Variants in FZD3 observed in about 807,000 individuals in gnomAD.
The protein encoded by FZD3 is frizzled-3.
In FZD3, 30 loss-of-function variants were observed where a neutral mutation model predicts 60.7. The observed-to-expected ratio is 0.49, with a 90% confidence interval of 0.37 to 0.67. The LOEUF is 0.67. Ranked by LOEUF, FZD3 falls within the 30% of genes least tolerant of loss-of-function variation. The pLI, the probability that FZD3 is intolerant of heterozygous loss-of-function variation, is 0.00. For missense variants in FZD3, 605 were observed against 838.7 expected (o/e 0.72, Z 3.44); for synonymous variants, 246 against 275.2 (o/e 0.89, Z 1.05).
At chr8:28,524,615 T>C (rs1287682525) in intron 4 of FZD3, among the ~76,000 whole-genome samples, 1 of 152,178 alleles carries the variant, frequency 6.6e-6, no homozygotes, top group Non-Finnish European at 1.5e-5. Flanking sequence ...TCTCGGATCC[T>C]CCTCTTTTTT....
intron 5 of FZD3, among the ~76,000 whole-genome samples, chr8:28,542,026 C>G (rs772491408): frequency 6.6e-6 from 1 of 151,382 alleles, no homozygotes; most frequent in Non-Finnish European, 1.5e-5. Flanking sequence ...AAAACATAAG[C>G]GAGATCATGT....
At chr8:28,513,502 A>C (rs937224367) in intron 3 of FZD3, among the ~76,000 whole-genome samples, 2 of 152,188 alleles carry the variant, frequency 1.3e-5, no homozygotes, top group African/African-American at 4.8e-5. Flanking sequence ...CAGGAAAATA[A>C]ACCTATGGGA....
Position 28,520,723 on chromosome 8 carries a change from A to G in FZD3, c.275A>G (p.Tyr92Cys). 1 of 1,612,820 alleles carries G rather than the reference A, an allele frequency of 6.2e-7. No individual in the cohort carries two copies. Among genetic ancestry groups the G allele is most frequent in the Non-Finnish European group, 8.5e-7 (1 of 1,179,050 alleles). ...CTCTACGCTCCTATTTGTATGGAATATGGACGTGTCACACTTCCCTGTCGT... is the reference window on the plus strand; with the variant it reads ...CTCTACGCTCCTATTTGTATGGAATGTGGACGTGTCACACTTCCCTGTCGT... ...CALYAPICME[Y>C]GRVTLPCRRL... Residue 92 changes from tyrosine (Y) to cysteine (C), a missense_variant, in exon 4 of 8, where the codon TAT becomes TGT. Physicochemically the swap from Tyr to Cys is radical, Grantham distance 194. Transcript: ENST00000240093.
intron 4 of FZD3, among the ~76,000 whole-genome samples, chr8:28,521,857 T>C (rs1342178888): frequency 6.6e-6 from 1 of 152,220 alleles, no homozygotes; most frequent in South Asian, 2.1e-4. Flanking sequence ...TGTTTCCAGA[T>C]TTTTGTTATT....
At chr8:28,540,407 T>C (rs1200106040) in intron 5 of FZD3, among the ~76,000 whole-genome samples, 2 of 152,132 alleles carry the variant, frequency 1.3e-5, no homozygotes, top group Non-Finnish European at 2.9e-5. Flanking sequence ...TTTTTGTATT[T>C]TTAGAGACAG....
At position 28,551,689 on chromosome 8, in the gene FZD3, G is replaced by A; in HGVS notation, c.1491G>A (p.Trp497Ter). 6.2e-7 allele frequency: 1 copy of A among 1,612,250 alleles called. No individual in the cohort carries two copies. The highest frequency in any genetic ancestry group is 8.5e-7 in the Non-Finnish European group (1 of 1,179,032). Residue 497 changes from tryptophan to a stop codon, truncating the protein, a stop_gained, in exon 6 of 8, where the codon TGG becomes TGA. Coordinates refer to ENST00000240093, the MANE Select transcript of FZD3 (RefSeq NM_017412.4). LOFTEE classifies it high-confidence loss of function. ...TAGTTGGCATTCCCTCTGTATTTTGGGTTGGAAGCAAAAAGACATGCTTTG... is the reference window on the plus strand; with the variant it reads ...TAGTTGGCATTCCCTCTGTATTTTGAGTTGGAAGCAAAAAGACATGCTTTG... ...ALIVGIPSVFWVGSKKTCFEW... is the reference protein window; with the variant it reads ...ALIVGIPSVF
At chr8:28,519,585 C>A (rs1014377880) in intron 3 of FZD3, among the ~76,000 whole-genome samples, 1 of 151,860 alleles carries the variant, frequency 6.6e-6, no homozygotes, top group African/African-American at 2.4e-5. Context: ...CAAAAATTAA[C>A]CCTGTGTGGT....
At chr8:28,530,588 G>A (rs1006459385) in intron 5 of FZD3, 2 of 152,052 alleles carry the variant, frequency 1.3e-5, no homozygotes, top group Admixed American at 6.5e-5. Flanking sequence ...ATATAGATAC[G>A]TTTTTTAAAA....
intron 5 of FZD3, among the ~76,000 whole-genome samples, chr8:28,534,950 G>A (rs1300876614): frequency 1.3e-5 from 2 of 152,160 alleles, no homozygotes; most frequent in Admixed American, 6.6e-5. Flanking sequence ...AATGTTTTAA[G>A]CAATGATGGA....
In FZD3 at chr8:28,522,767, CTTTTTTTTT is replaced by C. The variant is rs35662589; in HGVS notation, c.386+1946_386+1954del. ...CTTAAATTCTGAAAAAGGGAACTTT[CTTTTTTTTT>C]TTTTTTTTTTTTGAGATGGAGTCTC... On this transcript the variant is annotated intron_variant, in intron 4 of 7. Transcript: ENST00000240093. 8.3e-3 allele frequency among the ~76,000 whole-genome samples: 802 copies of C among 96,888 alleles called. 30 individuals carry two copies. The Admixed American group carries it at 0.084, about 10-fold the overall frequency. The allele number at this position is 96,888 out of a possible 152,430, so 63.6% of individuals were successfully genotyped here.
At chr8:28,514,735 A>G (rs1470394410) in intron 3 of FZD3, among the ~76,000 whole-genome samples, 1 of 152,228 alleles carries the variant, frequency 6.6e-6, no homozygotes, top group African/African-American at 2.4e-5. Flanking sequence ...TTCCTGTTTT[A>G]AAAACTGTCT....
intron 1 of FZD3, among the ~76,000 whole-genome samples, chr8:28,495,480 A>G (rs10097593): frequency 0.021 from 3,273 of 152,302 alleles, 107 homozygotes; most frequent in African/African-American, 0.074. Flanking sequence ...TTGTAAAGCC[A>G]ATATGATATG....
intron 4 of FZD3, 106 bp downstream of exon 4, chr8:28,520,940 A>T (rs1804562804): frequency 1.7e-6 from 1 of 578,778 alleles, no homozygotes; most frequent in Non-Finnish European, 2.8e-6. Context: ...TGAAGTGTAC[A>T]TATTAGTCAT....
chr8:28,514,929 A>T (rs910206223), intron 3 of FZD3, among the ~76,000 whole-genome samples: 1 of 152,216 alleles, frequency 6.6e-6, no homozygotes, highest in African/African-American at 2.4e-5. Flanking sequence ...TTTACAGAAG[A>T]GGAAACTGAA....
chr8:28,554,668 A>G (rs1805475011), intron 6 of FZD3, among the ~76,000 whole-genome samples: 1 of 152,160 alleles, frequency 6.6e-6, no homozygotes, highest in African/African-American at 2.4e-5. Context: ...CTCTTAGGAC[A>G]TGAATCTCTG....
chr8:28,505,143 C>T (rs1343398154), intron 3 of FZD3: 2 of 154,812 alleles, frequency 1.3e-5, no homozygotes, highest in African/African-American at 2.4e-5. Flanking sequence ...CAGCAGACAA[C>T]ACTGCCTGCT....
intron 5 of FZD3, among the ~76,000 whole-genome samples, chr8:28,550,039 T>G (rs1805375389): frequency 6.6e-6 from 1 of 152,170 alleles, no homozygotes; most frequent in African/African-American, 2.4e-5. Context: ...TTTATATAAA[T>G]AATTTTAATC....
At chr8:28,560,954 GAATT>G (rs1805602169) in intron 7 of FZD3, among the ~76,000 whole-genome samples, 1 of 152,054 alleles carries the variant, frequency 6.6e-6, no homozygotes. Context: ...TAATAAATAA[GAATT>G]AAATAACTTT....
rs1049452893 is a variant in FZD3, at chr8:28,513,735, A to G, written c.190-6903A>G. ...TTTTAAATTTTCAAGACCATTCCAC[A>G]TTTGGTTTTATGTTTAATGAATTTA... On this transcript the variant is annotated intron_variant, in intron 3 of 7. Transcript: ENST00000240093. Among the ~76,000 whole-genome samples, 7 of 152,164 alleles carry G rather than the reference A, an allele frequency of 4.6e-5. 1 individual carries two copies. The highest frequency in any genetic ancestry group is 1.0e-4 in the Non-Finnish European group (7 of 68,038).
Sources: allele counts gnomAD v4.1 joint callset (sites outside exome capture counted in the v4.1 genomes callset), GRCh38; gene constraint gnomAD v4.1.1; transcripts MANE v1.5; gene names NCBI Gene and HGNC (gene_info 2026-07-23, HGNC 2026-07-21).